The following SMARCA2 variants were observed in gnomAD, a reference collection of about 807,000 sequenced individuals.
SMARCA2 encodes SWI/SNF related BAF chromatin remodeling complex subunit ATPase 2, also known as SWI/SNF-related matrix-associated actin-dependent regulator of chromatin subfamily A member 2.
A neutral mutation model predicts 199.8 loss-of-function variants in SMARCA2; 61 were observed. The observed-to-expected ratio is 0.31, with a 90% CI of 0.25 to 0.38. The LOEUF (loss-of-function observed/expected upper bound fraction) is 0.38. Ranked by LOEUF, SMARCA2 falls within the 10% of genes least tolerant of loss-of-function variation. The pLI is 1.00. For missense variants in SMARCA2, 1,344 were observed against 2,012.2 expected, an observed-to-expected ratio of 0.67 and a Z score of 6.35; for synonymous variants, 935 against 732.0, an observed-to-expected ratio of 1.28 and a Z score of -4.48.
chr9:2,192,967 G>C lies in SMARCA2; in HGVS notation c.*228G>C. ...TGACCAAATGGGCCTCAAAGATTCA[G>C]ATTGAAACAAACAAAAAGCTTTTGA... On this transcript the variant is annotated 3_prime_UTR_variant, in exon 34 of 34. Coordinates refer to ENST00000349721, the MANE Select transcript of SMARCA2 (RefSeq NM_003070.5). 1 of 493,542 alleles carries C rather than the reference G, an allele frequency of 2.0e-6. No individual in the cohort carries two copies. Among genetic ancestry groups the C allele is most frequent in the Non-Finnish European group, 3.6e-6 (1 of 280,818 alleles). 30.6% of individuals were successfully genotyped at this position (493,542 alleles called of 1,614,324 possible).
intron 20 of SMARCA2, 85 bp from the exon 21 acceptor site, chr9:2,097,300 T>A (rs1822313029): frequency 9.4e-6 from 8 of 853,398 alleles, no homozygotes; most frequent in Middle Eastern, 2.3e-4. Context: ...CCTTTGTCCT[T>A]TGTATAAGAA....
chr9:2,090,906 G>C (rs1030841432), intron 19 of SMARCA2, among the ~76,000 whole-genome samples: 1 of 151,840 alleles, frequency 6.6e-6, no homozygotes, highest in African/African-American at 2.4e-5. Flanking sequence ...GCCATCCTAG[G>C]GGGTAAAGAA....
chr9:2,122,694 G>A (rs1296291131), intron 26 of SMARCA2, among the ~76,000 whole-genome samples: 1 of 152,156 alleles, frequency 6.6e-6, no homozygotes, highest in Non-Finnish European at 1.5e-5. Flanking sequence ...CATTTTATCA[G>A]TTTTAGCTTT....
At chr9:2,162,677 TGACAG>T (rs1433763361) in intron 28 of SMARCA2, 1 of 152,216 alleles carries the variant, frequency 6.6e-6, no homozygotes, top group East Asian at 1.9e-4. Context: ...GTTGAAAAAT[TGACAG>T]GAAACAGACA....
At chr9:2,048,305 A>G (rs1819969450) in intron 5 of SMARCA2, among the ~76,000 whole-genome samples, 1 of 152,222 alleles carries the variant, frequency 6.6e-6, no homozygotes, top group African/African-American at 2.4e-5. Context: ...GGAGTCTGCC[A>G]GAAAGCATAC....
intron 27 of SMARCA2, among the ~76,000 whole-genome samples, chr9:2,134,151 C>G (rs1824090386): frequency 6.6e-6 from 1 of 152,214 alleles, no homozygotes. Flanking sequence ...AAAATACGTT[C>G]TCTTTTGTGT....
intron 3 of SMARCA2, among the ~76,000 whole-genome samples, chr9:2,036,502 G>T (rs189464033): frequency 6.6e-6 from 1 of 152,282 alleles, no homozygotes; most frequent in Admixed American, 6.5e-5. Context: ...ACCAAAATAT[G>T]TGATGTTGTA....
At chr9:2,047,640 C>T in intron 5 of SMARCA2, 156 bp downstream of exon 5, 2 of 916,348 alleles carry the variant, frequency 2.2e-6, no homozygotes, top group Non-Finnish European at 2.9e-6. Flanking sequence ...CTTCCCGGTG[C>T]TGAGGGGAGG....
intron 4 of SMARCA2, chr9:2,045,022 A>G (rs1035835414): frequency 1.3e-5 from 2 of 152,234 alleles, no homozygotes; most frequent in Non-Finnish European, 2.9e-5. Flanking sequence ...TGACTTGACT[A>G]TACCTCAAGG....
chr9:2,151,486 C>G (rs1414304504), intron 27 of SMARCA2, among the ~76,000 whole-genome samples: 1 of 151,658 alleles, frequency 6.6e-6, no homozygotes, highest in Non-Finnish European at 1.5e-5. Flanking sequence ...AATCCCAACA[C>G]TTTGGGAGGA....
intron 8 of SMARCA2, among the ~76,000 whole-genome samples, chr9:2,059,513 GAC>G (rs1820494564): frequency 6.6e-6 from 1 of 152,128 alleles, no homozygotes; most frequent in Non-Finnish European, 1.5e-5. Flanking sequence ...AAATTTGTCT[GAC>G]TCAACTGAAG....
intron 25 of SMARCA2, among the ~76,000 whole-genome samples, chr9:2,117,498 A>C (rs926343752): frequency 1.3e-5 from 2 of 152,212 alleles, no homozygotes; most frequent in Non-Finnish European, 2.9e-5. Flanking sequence ...TGTTGTTTAT[A>C]CACTTGGACA....
Position 2,170,932 on chromosome 9 carries a change from G to C in SMARCA2, c.4253+460G>C, listed in dbSNP as rs901113710. ...ATGTTCACGCTGTGTCTGCATTCCAGAGTTGATCATGGCATGCAGAGGGCA... is the reference window on the plus strand; with the variant it reads ...ATGTTCACGCTGTGTCTGCATTCCACAGTTGATCATGGCATGCAGAGGGCA... On this transcript the variant is annotated intron_variant, in intron 29 of 33. Coordinates refer to ENST00000349721, the MANE Select transcript of SMARCA2 (RefSeq NM_003070.5). This position sits in a 1 kb window ranked among gnomAD's most constrained non-coding sequence, Gnocchi z 4.7. Among the ~76,000 whole-genome samples the C allele has an allele frequency of 6.6e-6, 1 of 152,212 alleles. No individual in the cohort carries two copies. The highest frequency in any genetic ancestry group is 1.9e-4 in the East Asian group (1 of 5,198).
rs562875064 is a variant in SMARCA2, at chr9:2,092,859, G to A, written c.2884-3798G>A. Among the ~76,000 whole-genome samples the A allele has an allele frequency of 1.1e-4, 16 of 152,322 alleles. No homozygotes were observed. The South Asian group carries it at 3.3e-3, about 32-fold the overall frequency. ...CTATAGCACCAGTATATTTTGAGGA[G>A]CTTTCACATGCATGCTCTAAACAGA... On this transcript the variant is annotated intron_variant, in intron 19 of 33. Transcript: ENST00000349721.
intron 5 of SMARCA2, 34 bp downstream of exon 5, chr9:2,047,518 G>A (rs1819920049): frequency 1.5e-6 from 2 of 1,352,160 alleles, no homozygotes; most frequent in Non-Finnish European, 1.9e-6. Context: ...GCCCCCTGCG[G>A]TGTGCTAGCA....
At chr9:2,165,329 C>G (rs1260331769) in intron 28 of SMARCA2, among the ~76,000 whole-genome samples, 1 of 152,144 alleles carries the variant, frequency 6.6e-6, no homozygotes, top group East Asian at 1.9e-4. Context: ...GCAGATGTAT[C>G]TTGATATTTT....
intron 27 of SMARCA2, among the ~76,000 whole-genome samples, chr9:2,142,094 C>T (rs567930885): frequency 2.6e-5 from 4 of 152,170 alleles, no homozygotes; most frequent in Non-Finnish European, 4.4e-5. Context: ...TTGGTTGTCT[C>T]TGTTTCTCGA....
intron 23 of SMARCA2, among the ~76,000 whole-genome samples, chr9:2,105,385 A>G (rs1255328967): frequency 6.6e-6 from 1 of 151,750 alleles, no homozygotes; most frequent in Non-Finnish European, 1.5e-5. Context: ...AGCTGGGATT[A>G]CAGGCATGTG....
At chr9:2,015,528 T>G (rs1449089595) in intron 1 of SMARCA2, 124 bp downstream of exon 1, 1 of 152,228 alleles carries the variant, frequency 6.6e-6, no homozygotes, top group Non-Finnish European at 1.5e-5. Context: ...ATTATCCTAA[T>G]TATTATTTAT....
Sources: allele counts gnomAD v4.1 joint callset (sites outside exome capture counted in the v4.1 genomes callset), GRCh38; gene constraint gnomAD v4.1.1; non-coding constraint Gnocchi (gnomAD v3.1); transcripts MANE v1.5; gene names NCBI Gene and HGNC (gene_info 2026-07-23, HGNC 2026-07-21).